The following IGF2BP2 variants were observed in gnomAD, a reference collection of about 807,000 sequenced individuals.
IGF2BP2 encodes the protein insulin-like growth factor 2 mRNA-binding protein 2.
In IGF2BP2, 17 loss-of-function variants were observed where a neutral mutation model predicts 75.8. The observed-to-expected ratio is 0.22, with a 90% CI of 0.15 to 0.34. The LOEUF (loss-of-function observed/expected upper bound fraction) is 0.34, where lower values mean the gene tolerates loss of function less well. Among genes scored for constraint, IGF2BP2 ranks in the 10% least tolerant of loss-of-function variants. The probability of loss-of-function intolerance (pLI) is 1.00; values close to 1 mark genes in which losing one functional copy is unlikely to be tolerated. For synonymous variants in IGF2BP2, 288 were observed against 295.6 expected (o/e 0.97, Z 0.26); for missense variants, 516 against 772.4 (o/e 0.67, Z 3.93).
Position 185,692,716 on chromosome 3 carries a change from T to A in IGF2BP2, c.387A>T (p.Thr129=). The A allele has an allele frequency of 6.2e-7, 1 of 1,613,822 alleles. No individual in the cohort carries two copies. The highest frequency in any genetic ancestry group is 8.5e-7 in the Non-Finnish European group (1 of 1,179,838). ...CTGCTTACATTTTTGCTTCTTCTCTTGTTGCATATGTGACGTTGACAACGG... is the reference window on the plus strand; with the variant it reads ...CTGCTTACATTTTTGCTTCTTCTCTAGTTGCATATGTGACGTTGACAACGG... ...ETAVVNVTYA[T]REEAKIAMEK... Residue 129 remains threonine (T), a synonymous_variant, in exon 5 of 16, where the codon ACA becomes ACT. Transcript: ENST00000382199.
intron 2 of IGF2BP2, chr3:185,722,317 G>T: frequency 2.2e-6 from 1 of 449,518 alleles, no homozygotes; most frequent in South Asian, 1.6e-5. Context: ...ACTGCAGAGA[G>T]ATATAAGATG....
intron 14 of IGF2BP2, among the ~76,000 whole-genome samples, chr3:185,648,637 A>T (rs993494322): frequency 6.6e-6 from 1 of 152,080 alleles, no homozygotes; most frequent in African/African-American, 2.4e-5. Context: ...CTCAGTGGTC[A>T]TCTCCCCACC....
chr3:185,720,772 GA>G (rs1726409173), intron 2 of IGF2BP2, among the ~76,000 whole-genome samples: 1 of 152,200 alleles, frequency 6.6e-6, no homozygotes, highest in African/African-American at 2.4e-5. Context: ...TGCAGATTAG[GA>G]AACTGAGGTC....
At chr3:185,693,751 T>C (rs1304777285) in intron 4 of IGF2BP2, among the ~76,000 whole-genome samples, 1 of 152,230 alleles carries the variant, frequency 6.6e-6, no homozygotes, top group East Asian at 1.9e-4. Flanking sequence ...TTCTTCCCTT[T>C]AAAAGATTTA....
At chr3:185,714,206 ATT>A (rs922161700) in intron 2 of IGF2BP2, among the ~76,000 whole-genome samples, 11 of 151,176 alleles carry the variant, frequency 7.3e-5, no homozygotes, top group East Asian at 3.9e-4. Flanking sequence ...CTGTATATGC[ATT>A]TTTTCACTTA....
intron 2 of IGF2BP2, among the ~76,000 whole-genome samples, chr3:185,726,423 C>T (rs989754566): frequency 8.5e-5 from 13 of 152,102 alleles, no homozygotes; most frequent in African/African-American, 2.7e-4. Flanking sequence ...GGTCTGGAAG[C>T]GGGAAGCAGT....
intron 2 of IGF2BP2, among the ~76,000 whole-genome samples, chr3:185,770,721 G>A (rs75974105): frequency 6.6e-6 from 1 of 152,288 alleles, no homozygotes; most frequent in Admixed American, 6.5e-5. Flanking sequence ...CAAAGAGACT[G>A]TAATAGATGA....
At chr3:185,689,954 C>T (rs1255007116) in intron 5 of IGF2BP2, among the ~76,000 whole-genome samples, 2 of 121,670 alleles carry the variant, frequency 1.6e-5, no homozygotes, top group Admixed American at 9.0e-5. Flanking sequence ...GGCGACAGAG[C>T]GAGACTCCGT....
chr3:185,679,461 A>G (rs1036784237), intron 7 of IGF2BP2, among the ~76,000 whole-genome samples: 1 of 152,140 alleles, frequency 6.6e-6, no homozygotes, highest in Non-Finnish European at 1.5e-5. Flanking sequence ...AGTTAAAAAA[A>G]GTTTTTGTCA....
chr3:185,796,874 C>T (rs1367004934), intron 2 of IGF2BP2, among the ~76,000 whole-genome samples: 2 of 152,162 alleles, frequency 1.3e-5, no homozygotes, highest in Non-Finnish European at 2.9e-5. Context: ...TTGGTTCAAA[C>T]AATCTTTCAG....
At chr3:185,820,216 G>C (rs183007001) in intron 2 of IGF2BP2, among the ~76,000 whole-genome samples, 1 of 131,754 alleles carries the variant, frequency 7.6e-6, no homozygotes, top group East Asian at 2.1e-4. Context: ...GTGTGTGTGT[G>C]TATGTGTATA....
At chr3:185,667,672 C>T (rs1354385675) in intron 10 of IGF2BP2, among the ~76,000 whole-genome samples, 1 of 152,112 alleles carries the variant, frequency 6.6e-6, no homozygotes. Context: ...AATGCATATA[C>T]CCTTTGACAT....
intron 2 of IGF2BP2, among the ~76,000 whole-genome samples, chr3:185,757,447 C>T (rs1176115913): frequency 6.8e-6 from 1 of 146,340 alleles, no homozygotes; most frequent in Admixed American, 6.8e-5. Flanking sequence ...CTTGGAGAGA[C>T]TATATCTCAT....
At chr3:185,777,413 C>G (rs372954410) in intron 2 of IGF2BP2, among the ~76,000 whole-genome samples, 1 of 152,034 alleles carries the variant, frequency 6.6e-6, no homozygotes, top group African/African-American at 2.4e-5. Flanking sequence ...ATGGCTTGGG[C>G]CCAGGAAGTC....
chr3:185,756,682 C>T (rs1731662003), intron 2 of IGF2BP2, among the ~76,000 whole-genome samples: 1 of 152,160 alleles, frequency 6.6e-6, no homozygotes, highest in Non-Finnish European at 1.5e-5. Context: ...TGATCAGAAA[C>T]TCAGGAGGTG....
chr3:185,812,852 T>C (rs891873597), intron 2 of IGF2BP2, among the ~76,000 whole-genome samples: 4 of 152,190 alleles, frequency 2.6e-5, no homozygotes, highest in Non-Finnish European at 5.9e-5. Flanking sequence ...TAATAAAAAC[T>C]GCCATAGAGA....
At chr3:185,812,520 T>C (rs1740036751) in intron 2 of IGF2BP2, among the ~76,000 whole-genome samples, 2 of 152,186 alleles carry the variant, frequency 1.3e-5, no homozygotes, top group Non-Finnish European at 2.9e-5. Flanking sequence ...GGAAAGCAGA[T>C]GTAGGAGTAA....
intron 2 of IGF2BP2, among the ~76,000 whole-genome samples, chr3:185,789,070 C>G (rs1578308229): frequency 6.6e-6 from 1 of 152,218 alleles, no homozygotes; most frequent in East Asian, 1.9e-4. Context: ...AGTGAAGTGT[C>G]TATTCACAGG....
intron 2 of IGF2BP2, among the ~76,000 whole-genome samples, chr3:185,811,386 T>A (rs1470580): frequency 0.45 from 68,231 of 152,008 alleles, 18,362 homozygotes; most frequent in African/African-American, 0.77. Flanking sequence ...TCTTCAACAA[T>A]GTTTTATAGA....
Sources: gnomAD v4.1 joint callset for allele counts (sites outside exome capture counted in the v4.1 genomes callset) on GRCh38, gnomAD v4.1.1 for gene constraint, MANE v1.5 for transcripts, NCBI Gene and HGNC (gene_info 2026-07-23, HGNC 2026-07-21) for gene names.